The following ENPP2 variants were observed in gnomAD, a reference collection of about 807,000 sequenced individuals.
ENPP2 encodes the protein autotaxin.
Under a neutral mutation model 120.2 loss-of-function variants are expected in ENPP2, and 51 were observed. That is an observed-to-expected ratio of 0.42 (90% CI 0.34 to 0.54). ENPP2 has a LOEUF of 0.54. ENPP2 is among the 20% of genes least tolerant of loss of function. The pLI, the probability that ENPP2 is intolerant of heterozygous loss-of-function variation, is 0.04. For synonymous variants in ENPP2, 365 were observed against 366.4 expected (o/e 1.00, Z 0.04); for missense variants, 920 against 1,066.5 (o/e 0.86, Z 1.91).
chr8:119,647,898 G>A (rs1172289078), intron 1 of ENPP2, among the ~76,000 whole-genome samples: 1 of 152,126 alleles, frequency 6.6e-6, no homozygotes, highest in Middle Eastern at 3.2e-3. Context: ...CCGGCTACTT[G>A]GAAGGCTGAG....
intron 13 of ENPP2, among the ~76,000 whole-genome samples, chr8:119,588,528 C>CAAAA (rs58771451): frequency 8.8e-5 from 6 of 68,168 alleles, no homozygotes; most frequent in South Asian, 1.1e-3. Context: ...AACTCCGCCT[C>CAAAA]AAAAAAAAAA....
chr8:119,592,495 A>AG (rs1469168115), intron 12 of ENPP2, among the ~76,000 whole-genome samples: 5 of 150,758 alleles, frequency 3.3e-5, no homozygotes, highest in African/African-American at 9.7e-5. Context: ...AAAAAAAAAA[A>AG]AAGAAGAAGA....
At chr8:119,646,108 A>G (rs968316065) in intron 1 of ENPP2, among the ~76,000 whole-genome samples, 1 of 151,812 alleles carries the variant, frequency 6.6e-6, no homozygotes, top group Non-Finnish European at 1.5e-5. Context: ...AGCTGGGATT[A>G]CAGGCATGTG....
chr8:119,619,573 C>A (rs1417066965), intron 4 of ENPP2, among the ~76,000 whole-genome samples: 5 of 151,780 alleles, frequency 3.3e-5, no homozygotes, highest in African/African-American at 1.2e-4. Context: ...TTAAAAAAAC[C>A]AGTGGCGTCA....
At chr8:119,600,814 T>G in intron 10 of ENPP2, 64 bp from the exon 11 acceptor site, 1 of 939,128 alleles carries the variant, frequency 1.1e-6, no homozygotes, top group Non-Finnish European at 1.7e-6. Context: ...ATATCACATA[T>G]TTTTAAAAAA....
At chr8:119,595,850 G>A (rs1251183677) in intron 11 of ENPP2, 12 of 1,613,706 alleles carry the variant, frequency 7.4e-6, no homozygotes, top group Non-Finnish European at 1.0e-5. Context: ...AACTTACTTT[G>A]TCCTGACGAG....
intron 2 of ENPP2, among the ~76,000 whole-genome samples, chr8:119,637,280 G>T (rs1034222665): frequency 6.6e-6 from 1 of 152,000 alleles, no homozygotes; most frequent in Admixed American, 6.6e-5. Flanking sequence ...AACAGAAGAC[G>T]ACTCATTTTG....
intron 12 of ENPP2, among the ~76,000 whole-genome samples, chr8:119,591,081 T>C (rs908773776): frequency 6.6e-6 from 1 of 151,822 alleles, no homozygotes; most frequent in Non-Finnish European, 1.5e-5. Context: ...GTTCTGTGTC[T>C]CTTTTACAAA....
chr8:119,669,188 G>C (rs1818168694), intron 1 of ENPP2, among the ~76,000 whole-genome samples: 1 of 152,154 alleles, frequency 6.6e-6, no homozygotes, highest in Non-Finnish European at 1.5e-5. Context: ...ACATTCACAT[G>C]TCAATCCATC....
chr8:119,668,432 T>TA, intron 1 of ENPP2, among the ~76,000 whole-genome samples: 1 of 138,296 alleles, frequency 7.2e-6, no homozygotes, highest in Non-Finnish European at 1.5e-5. Context: ...TCTTTTTCTT[T>TA]TTTTTTTTTT....
At chr8:119,564,233 T>C (rs1563667068) in intron 23 of ENPP2, among the ~76,000 whole-genome samples, 1 of 152,102 alleles carries the variant, frequency 6.6e-6, no homozygotes, top group African/African-American at 2.4e-5. Context: ...TAAGTGGGAA[T>C]GGTCATCTTC....
At chr8:119,572,202 A>T (rs953772476) in intron 19 of ENPP2, 1 of 1,555,294 alleles carries the variant, frequency 6.4e-7, no homozygotes, top group Non-Finnish European at 8.7e-7. Flanking sequence ...ATTTCCATTA[A>T]TGTTTTCCTT....
At chr8:119,651,550 T>G (rs550752878) in intron 1 of ENPP2, among the ~76,000 whole-genome samples, 1 of 152,262 alleles carries the variant, frequency 6.6e-6, no homozygotes, top group South Asian at 2.1e-4. Flanking sequence ...TGGGAAGACC[T>G]CAAAGGAATG....
intron 13 of ENPP2, among the ~76,000 whole-genome samples, chr8:119,588,810 T>C (rs907318584): frequency 6.6e-6 from 1 of 152,170 alleles, no homozygotes; most frequent in Admixed American, 6.5e-5. Flanking sequence ...ACTAGGAATA[T>C]CCAATGCCTG....
At chr8:119,595,035 G>A (rs1021936778) in intron 11 of ENPP2, among the ~76,000 whole-genome samples, 3 of 152,186 alleles carry the variant, frequency 2.0e-5, no homozygotes, top group South Asian at 2.1e-4. Flanking sequence ...CAGAATAATC[G>A]GAAGGGACTA....
intron 14 of ENPP2, among the ~76,000 whole-genome samples, 153 bp from the exon 15 acceptor site, chr8:119,586,466 G>C (rs1813118967): frequency 6.6e-6 from 1 of 152,176 alleles, no homozygotes; most frequent in African/African-American, 2.4e-5. Flanking sequence ...AATGTATGCT[G>C]AAAACAAATA....
chr8:119,652,245 T>C (rs1258702574), intron 1 of ENPP2, among the ~76,000 whole-genome samples: 1 of 152,102 alleles, frequency 6.6e-6, no homozygotes, highest in Non-Finnish European at 1.5e-5. Context: ...GACCCATTCA[T>C]GAAGCCTCTA....
chr8:119,568,306 T>TAAA (rs5894486), intron 21 of ENPP2, 54 bp from the exon 22 acceptor site: 64 of 686,510 alleles, frequency 9.3e-5, no homozygotes, highest in African/African-American at 3.8e-4. Context: ...CTATATCAGT[T>TAAA]AAAAAAAAAA....
chr8:119,641,232 C>T (rs1817277471), upstream of ENPP2, among the ~76,000 whole-genome samples: 1 of 151,500 alleles, frequency 6.6e-6, no homozygotes, highest in African/African-American at 2.4e-5. Context: ...AATTAACTGT[C>T]AGGAGAATGA....
Sources: gnomAD v4.1 joint callset for allele counts (sites outside exome capture counted in the v4.1 genomes callset) on GRCh38, gnomAD v4.1.1 for gene constraint, MANE v1.5 for transcripts, NCBI Gene and HGNC (gene_info 2026-07-23, HGNC 2026-07-21) for gene names.